PPFIA2: variants seen among roughly 807,000 people sequenced by gnomAD.
The protein encoded by PPFIA2 is liprin-alpha-2.
PPFIA2 carries 46 observed loss-of-function variants against 175.5 expected under a neutral mutation model. The observed-to-expected ratio is 0.26, with a 90% CI of 0.21 to 0.34. The LOEUF is 0.34. Ranked by LOEUF, PPFIA2 falls within the 10% of genes least tolerant of loss-of-function variation. The pLI is 1.00. For missense variants in PPFIA2, 1,179 were observed against 1,506.1 expected (o/e 0.78, Z 3.60); for synonymous variants, 568 against 511.4 (o/e 1.11, Z -1.49).
intron 7 of PPFIA2, among the ~76,000 whole-genome samples, chr12:81,422,344 T>C (rs1458275261): frequency 3.9e-5 from 6 of 152,080 alleles, no homozygotes; most frequent in Admixed American, 1.3e-4. Flanking sequence ...GAAAGAAATA[T>C]CTAAGCAGCA....
chr12:81,289,233 G>A lies in PPFIA2; in HGVS notation c.2926-4930C>T, dbSNP rs575424290. Among the ~76,000 whole-genome samples, 4 of 151,890 alleles carry A rather than the reference G, an allele frequency of 2.6e-5. 1 individual carries two copies. In the East Asian group the frequency reaches 7.7e-4, roughly 29 times the overall value. On this transcript the variant is annotated intron_variant, in intron 24 of 32. Transcript: ENST00000549396. ...CTACTGTAATTATATTAGATATTCT[G>A]TTAGGTAGTCTCCATTCAAGCAAAT...
chr12:81,367,207 TA>T, intron 13 of PPFIA2, 37 bp from the exon 14 acceptor site: 2 of 1,240,588 alleles, frequency 1.6e-6, no homozygotes, highest in South Asian at 4.0e-5. Flanking sequence ...ATTAATAAAT[TA>T]AACATAAAAT....
At chr12:81,330,510 G>C (rs961956315) in intron 21 of PPFIA2, among the ~76,000 whole-genome samples, 4 of 151,974 alleles carry the variant, frequency 2.6e-5, no homozygotes, top group African/African-American at 9.7e-5. Flanking sequence ...TTCTTTTAGA[G>C]AGCATCTCTA....
intron 7 of PPFIA2, among the ~76,000 whole-genome samples, chr12:81,436,998 A>T (rs549512905): frequency 5.3e-5 from 8 of 152,358 alleles, no homozygotes; most frequent in African/African-American, 1.9e-4. Context: ...AATGGCATTC[A>T]GAAAAGTCTG....
intron 8 of PPFIA2, among the ~76,000 whole-genome samples, chr12:81,393,474 C>T (rs1253058471): frequency 6.6e-6 from 1 of 152,058 alleles, no homozygotes; most frequent in South Asian, 2.1e-4. Context: ...TAGGCTCCCA[C>T]ATCCCAAGGA....
intron 4 of PPFIA2, among the ~76,000 whole-genome samples, chr12:81,643,359 T>G (rs1330199424): frequency 1.3e-5 from 2 of 151,960 alleles, no homozygotes; most frequent in African/African-American, 4.8e-5. Flanking sequence ...CTATAATTTC[T>G]ATTAATTATC....
intron 8 of PPFIA2, among the ~76,000 whole-genome samples, chr12:81,398,318 C>A (rs1030771735): frequency 6.6e-6 from 1 of 152,016 alleles, no homozygotes; most frequent in Non-Finnish European, 1.5e-5. Flanking sequence ...TTTGACTAGG[C>A]TTTTTTGAAA....
rs552916116 is a variant in PPFIA2 at position 81,679,907 on chromosome 12, C to T, written c.250-3063G>A. On this transcript the variant is annotated intron_variant, in intron 3 of 32. Coordinates refer to ENST00000549396, the MANE Select transcript of PPFIA2 (RefSeq NM_003625.5). The stretch of plus-strand genomic sequence containing the variant: ...ATAGATAAAACAAATACTTGAGGAA[C>T]TCTGGACATATGATTACTACATAGC... Among the ~76,000 whole-genome samples, 422 of 152,006 alleles carry T rather than the reference C, an allele frequency of 2.8e-3. 4 individuals are homozygous for T. Among genetic ancestry groups the T allele is most frequent in the Non-Finnish European group, 4.1e-3 (279 of 67,910 alleles).
chr12:81,634,229 A>T (rs1426703104), intron 4 of PPFIA2, among the ~76,000 whole-genome samples: 4 of 152,024 alleles, frequency 2.6e-5, no homozygotes, highest in Non-Finnish European at 5.9e-5. Flanking sequence ...TTGCAATATG[A>T]ATTTTGGAGC....
At chr12:81,454,173 T>C (rs559476699) in intron 5 of PPFIA2, among the ~76,000 whole-genome samples, 35 of 152,192 alleles carry the variant, frequency 2.3e-4, no homozygotes, top group Admixed American at 5.2e-4. Context: ...TGAACCATGA[T>C]TGTGCCACTG....
chr12:81,624,616 TTA>T (rs1267880515), intron 4 of PPFIA2, among the ~76,000 whole-genome samples: 2 of 146,168 alleles, frequency 1.4e-5, no homozygotes, highest in African/African-American at 2.5e-5. Context: ...TAATATATAA[TTA>T]TATATATAAT....
At chr12:81,444,081 C>G (rs1032321488) in intron 6 of PPFIA2, among the ~76,000 whole-genome samples, 7 of 151,628 alleles carry the variant, frequency 4.6e-5, no homozygotes, top group Admixed American at 4.6e-4. Flanking sequence ...GTCTCGATCT[C>G]CTGACCTCGT....
intron 4 of PPFIA2, among the ~76,000 whole-genome samples, chr12:81,664,954 A>G (rs1371678774): frequency 2.6e-5 from 4 of 151,624 alleles, no homozygotes; most frequent in African/African-American, 4.9e-5. Context: ...ACCAAACACC[A>G]CATGTTCTCA....
At chr12:81,380,134 G>C (rs911501276) in intron 9 of PPFIA2, among the ~76,000 whole-genome samples, 1 of 152,134 alleles carries the variant, frequency 6.6e-6, no homozygotes, top group African/African-American at 2.4e-5. Context: ...GGGAGGATGA[G>C]GTGGGAGGAT....
chr12:81,550,088 C>T (rs143005261), intron 4 of PPFIA2, among the ~76,000 whole-genome samples: 236 of 151,966 alleles, frequency 1.6e-3, no homozygotes, highest in African/African-American at 5.2e-3. Flanking sequence ...AATAAATTGA[C>T]GAATTACTTA....
At chr12:81,552,588 G>A (rs142577361) in intron 4 of PPFIA2, among the ~76,000 whole-genome samples, 215 of 151,912 alleles carry the variant, frequency 1.4e-3, no homozygotes, top group African/African-American at 4.8e-3. Flanking sequence ...TTATATGTTT[G>A]AACAATATAA....
chr12:81,366,673 G>A (rs1475708406), intron 14 of PPFIA2, among the ~76,000 whole-genome samples: 1 of 151,708 alleles, frequency 6.6e-6, no homozygotes, highest in Non-Finnish European at 1.5e-5. Context: ...CTAGGATTAT[G>A]TTTGGACATA....
chr12:81,433,668 TAAGAG>T, intron 7 of PPFIA2, among the ~76,000 whole-genome samples: 1 of 152,292 alleles, frequency 6.6e-6, no homozygotes, highest in East Asian at 1.9e-4. Flanking sequence ...AATGGTTCAT[TAAGAG>T]AATAGTCAAA....
At chr12:81,703,120 C>G (rs1438135552) in intron 3 of PPFIA2, among the ~76,000 whole-genome samples, 1 of 152,092 alleles carries the variant, frequency 6.6e-6, no homozygotes, top group African/African-American at 2.4e-5. Flanking sequence ...TACACTTCTT[C>G]TTGAGGGGTT....
Sources: gnomAD v4.1 joint callset for allele counts (sites outside exome capture counted in the v4.1 genomes callset) on GRCh38, gnomAD v4.1.1 for gene constraint, MANE v1.5 for transcripts, NCBI Gene and HGNC (gene_info 2026-07-23, HGNC 2026-07-21) for gene names.